HDX: variants seen among roughly 807,000 people sequenced by gnomAD.
The protein encoded by HDX is highly divergent homeobox, also known as chromosome X open reading frame 43.
Under a neutral mutation model 45.2 loss-of-function variants are expected in HDX, and 19 were observed. The ratio of observed to expected loss-of-function variants is 0.42; its 90% CI spans 0.29 to 0.62. HDX has a LOEUF of 0.62. HDX is among the 20% of genes least tolerant of loss of function. The pLI is 0.20. For missense variants in HDX, 532 were observed against 493.9 expected (o/e 1.08, Z -0.73); for synonymous variants, 188 against 172.8 (o/e 1.09, Z -0.69).
intron 4 of HDX, among the ~76,000 whole-genome samples, chrX:84,457,154 T>A (rs1033774539): frequency 1.8e-5 from 2 of 111,885 alleles, no homozygotes; most frequent in Non-Finnish European, 3.8e-5. Flanking sequence ...TTGGCTATTT[T>A]AAAAGTTTAT....
intron 6 of HDX, among the ~76,000 whole-genome samples, chrX:84,351,011 CTAT>C (rs2037335806): frequency 3.1e-5 from 2 of 63,897 alleles, no homozygotes; most frequent in East Asian, 1.0e-3. Flanking sequence ...TTGATCCAGG[CTAT>C]CTATCTATCT....
chrX:84,440,364 T>A, intron 5 of HDX, 168 bp downstream of exon 5: 1 of 422,660 alleles, frequency 2.4e-6, no homozygotes, highest in Non-Finnish European at 4.1e-6. Flanking sequence ...AAGATTACAT[T>A]TGCAGTATAT....
chrX:84,456,197 A>G (rs1292460457), intron 4 of HDX, among the ~76,000 whole-genome samples: 1 of 112,011 alleles, frequency 8.9e-6, no homozygotes, highest in African/African-American at 3.2e-5. Flanking sequence ...TATTATTGTG[A>G]TATTTAAAAT....
At chrX:84,414,306 A>G (rs888036295) in intron 5 of HDX, among the ~76,000 whole-genome samples, 5 of 111,227 alleles carry the variant, frequency 4.5e-5, no homozygotes, top group African/African-American at 1.6e-4. Flanking sequence ...CTACCCCAAC[A>G]TGCGCATTCC....
chrX:84,357,887 C>T (rs2037524766), intron 6 of HDX, among the ~76,000 whole-genome samples: 1 of 112,014 alleles, frequency 8.9e-6, no homozygotes, highest in Non-Finnish European at 1.9e-5. Flanking sequence ...TTCCAGAAAT[C>T]CTTGTTAAAA....
chrX:84,351,192 C>A (rs992659985), intron 6 of HDX, among the ~76,000 whole-genome samples: 2 of 110,661 alleles, frequency 1.8e-5, no homozygotes, highest in African/African-American at 6.6e-5. Flanking sequence ...TAGGCATCTT[C>A]TGATACCACC....
At chrX:84,461,017 G>T (rs1012173518) in intron 4 of HDX, among the ~76,000 whole-genome samples, 4 of 111,276 alleles carry the variant, frequency 3.6e-5, no homozygotes, top group African/African-American at 9.8e-5. Context: ...ATTGATAAAA[G>T]AAATTGAAGA....
chrX:84,326,152 G>T (rs370264447), intron 10 of HDX, 26 bp downstream of exon 10: 12 of 1,198,964 alleles, frequency 1.0e-5, no homozygotes, highest in Non-Finnish European at 1.4e-5. Context: ...ATACATTGCA[G>T]CTTACTAGTC....
intron 2 of HDX, 139 bp from the exon 3 acceptor site, chrX:84,475,536 A>G (rs2040529971): frequency 4.9e-6 from 2 of 408,032 alleles, no homozygotes; most frequent in Non-Finnish European, 8.3e-6. Context: ...AGTAGTGGGC[A>G]ATAATTTGTG....
At chrX:84,440,427 G>A in intron 5 of HDX, 105 bp downstream of exon 5, 1 of 544,103 alleles carries the variant, frequency 1.8e-6, no homozygotes, top group Non-Finnish European at 3.2e-6. Context: ...GTCCTATCAA[G>A]GTTCAGTTTT....
chrX:84,323,320 G>C (rs1416519800), intron 10 of HDX, among the ~76,000 whole-genome samples: 1 of 111,201 alleles, frequency 9.0e-6, no homozygotes, highest in Non-Finnish European at 1.9e-5. Context: ...TTTTCTCCTA[G>C]AAAAGTGTTT....
intron 4 of HDX, among the ~76,000 whole-genome samples, chrX:84,451,854 A>T (rs915678781): frequency 3.6e-5 from 4 of 111,950 alleles, no homozygotes; most frequent in Admixed American, 2.8e-4. Flanking sequence ...CTTCCCAGGG[A>T]TGCTAGGATG....
At chrX:84,480,052 T>C (rs1244731292) in intron 2 of HDX, among the ~76,000 whole-genome samples, 1 of 111,823 alleles carries the variant, frequency 8.9e-6, no homozygotes, top group Non-Finnish European at 1.9e-5. Context: ...TTTATAGTTT[T>C]CAGAAAACAG....
chrX:84,414,726 A>G (rs760778697), intron 5 of HDX, among the ~76,000 whole-genome samples: 3 of 111,644 alleles, frequency 2.7e-5, no homozygotes, highest in South Asian at 7.5e-4. Context: ...TCCACATTCA[A>G]TCATTTACTA....
chrX:84,327,104 T>G (rs2036730697), intron 9 of HDX, among the ~76,000 whole-genome samples: 1 of 111,439 alleles, frequency 9.0e-6, no homozygotes, highest in East Asian at 2.8e-4. Flanking sequence ...ACAGATTAAG[T>G]AGGAGTCTGT....
rs2036544020 is a variant in HDX, at chrX:84,318,675, C to T, written c.*3214G>A. ...TACAGACTGCTGAATATGAAAGTGCCTCACAATAGATGTTGCTGTCTTTGG... is the reference window on the plus strand; with the variant it reads ...TACAGACTGCTGAATATGAAAGTGCTTCACAATAGATGTTGCTGTCTTTGG... On this transcript the variant is annotated 3_prime_UTR_variant, in exon 11 of 11. Transcript: ENST00000373177. 9.0e-6 allele frequency: 1 copy of T among 111,295 alleles called. No individual in the cohort carries two copies. The highest frequency in any genetic ancestry group is 1.9e-5 in the Non-Finnish European group (1 of 52,615). 9.2% of individuals were successfully genotyped at this position (111,295 alleles called of 1,213,427 possible).
intron 7 of HDX, among the ~76,000 whole-genome samples, chrX:84,340,757 A>G (rs2037068106): frequency 9.0e-6 from 1 of 111,389 alleles, no homozygotes; most frequent in Admixed American, 9.6e-5. Flanking sequence ...TTCTGTTGCA[A>G]TTTCTGTGAG....
chrX:84,451,774 T>C (rs188028993), intron 4 of HDX, among the ~76,000 whole-genome samples: 8 of 110,726 alleles, frequency 7.2e-5, no homozygotes, highest in Non-Finnish European at 1.3e-4. Context: ...GCAAAAACCC[T>C]CAAGAAAGTT....
At chrX:84,432,591 G>A (rs988668337) in intron 5 of HDX, among the ~76,000 whole-genome samples, 2 of 111,263 alleles carry the variant, frequency 1.8e-5, no homozygotes, top group African/African-American at 6.5e-5. Flanking sequence ...TGGTTAATGT[G>A]AATGGGATTG....
Sources: allele counts gnomAD v4.1 joint callset (sites outside exome capture counted in the v4.1 genomes callset), GRCh38; gene constraint gnomAD v4.1.1; transcripts MANE v1.5; gene names NCBI Gene and HGNC (gene_info 2026-07-23, HGNC 2026-07-21).